Variants in TTC39B observed in about 807,000 individuals in gnomAD.
The protein encoded by TTC39B is tetratricopeptide repeat protein 39B.
A neutral mutation model predicts 96.6 loss-of-function variants in TTC39B; 92 were observed. The observed-to-expected ratio is 0.95, with a 90% CI of 0.80 to 1.13. TTC39B has a LOEUF of 1.13. Among genes scored for constraint, TTC39B ranks in the 50% most tolerant of loss-of-function variants. TTC39B has a pLI of 0.00. For missense variants in TTC39B, 955 were observed against 809.3 expected, an observed-to-expected ratio of 1.18 and a Z score of -2.18; for synonymous variants, 367 against 299.4, an observed-to-expected ratio of 1.23 and a Z score of -2.33.
chr9:15,194,161 T>C (rs1401674615), intron 8 of TTC39B, among the ~76,000 whole-genome samples: 1 of 152,194 alleles, frequency 6.6e-6, no homozygotes, highest in Admixed American at 6.5e-5. Flanking sequence ...TGATGGAAAT[T>C]TTTTGTAATA....
exon 20 of TTC39B, chr9:15,168,965 T>C (rs2800587): frequency 1.3e-5 from 2 of 151,946 alleles, no homozygotes; most frequent in Non-Finnish European, 2.9e-5. Flanking sequence ...ATTTTTTCTT[T>C]ACACACTCCC....
Position 15,194,966 on chromosome 9 carries a change from G to A in TTC39B, c.825-2271C>T, listed in dbSNP as rs78820887. Among the ~76,000 whole-genome samples, 1,399 of 152,298 alleles carry A rather than the reference G, an allele frequency of 9.2e-3. 22 individuals carry two copies. The highest frequency in any genetic ancestry group is 0.032 in the African/African-American group (1,317 of 41,554). ...TACAGTGGCCTCTCAGTGTTCAAGC[G>A]AAAGGAAGATTCGCACCTCTCATTT... On this transcript the variant is annotated intron_variant, in intron 8 of 19. Coordinates refer to ENST00000512701, the Ensembl canonical transcript of TTC39B.
chr9:15,257,931 C>T (rs375570565), intron 2 of TTC39B, among the ~76,000 whole-genome samples: 11 of 151,920 alleles, frequency 7.2e-5, no homozygotes, highest in African/African-American at 2.4e-4. Context: ...CGGTGGCGGG[C>T]GCCTGTAATC....
intron 2 of TTC39B, among the ~76,000 whole-genome samples, chr9:15,256,102 C>T (rs910430778): frequency 3.3e-5 from 5 of 152,198 alleles, no homozygotes; most frequent in African/African-American, 1.2e-4. Flanking sequence ...GTGATTAGGT[C>T]ATGAGGGTTC....
chr9:15,300,426 T>G (rs1314288340), intron 1 of TTC39B, among the ~76,000 whole-genome samples: 1 of 152,198 alleles, frequency 6.6e-6, no homozygotes, highest in African/African-American at 2.4e-5. Context: ...TGGCCTCTTC[T>G]GTCCAATGCC....
In TTC39B at chr9:15,199,488, C is replaced by A. The variant is rs530225764; in HGVS notation, c.824+373G>T. ...CGGTGGCTCACGCGTGTAATCCCAG[C>A]ACTTTGGGAGGCTGAGGCGGGCGGA... On this transcript the variant is annotated intron_variant, in intron 8 of 19. Coordinates refer to ENST00000512701, the Ensembl canonical transcript of TTC39B. Among the ~76,000 whole-genome samples, 508 of 152,094 alleles carry A rather than the reference C, an allele frequency of 3.3e-3. 3 individuals are homozygous for A. The highest frequency in any genetic ancestry group is 0.012 in the African/African-American group (493 of 41,504).
chr9:15,204,708 T>A (rs1586866692), intron 6 of TTC39B, among the ~76,000 whole-genome samples: 1 of 152,154 alleles, frequency 6.6e-6, no homozygotes, highest in Non-Finnish European at 1.5e-5. Context: ...AGAAATGTCC[T>A]GCACGGCCAC....
chr9:15,186,829 G>A lies in TTC39B; in HGVS notation c.1487+115C>T, dbSNP rs779623636. ...TCCCACCTAAGCTTCCCAAGTAGCT[G>A]GGACTACAAGCACATGCCACCAGGC... is the stretch of plus-strand genomic sequence containing the variant. On this transcript the variant is annotated intron_variant, in intron 15 of 19. Transcript: ENST00000512701. 2.0e-5 allele frequency: 18 copies of A among 898,700 alleles called. No individual in the cohort carries two copies. The East Asian group carries it at 4.0e-4, about 20-fold the overall frequency. 55.7% of individuals were successfully genotyped at this position (898,700 alleles called of 1,614,324 possible).
chr9:15,201,212 C>G (rs1819519229), intron 7 of TTC39B, among the ~76,000 whole-genome samples: 1 of 151,540 alleles, frequency 6.6e-6, no homozygotes, highest in African/African-American at 2.4e-5. Context: ...TACATAAAAT[C>G]CAATACCAAC....
chr9:15,203,833 G>A (rs150014250), exon 7 of TTC39B: 32 of 1,612,376 alleles, frequency 2.0e-5, no homozygotes, highest in South Asian at 5.5e-5. Flanking sequence ...CTGCACAAAC[G>A]TGAGTGCAGC....
At chr9:15,209,975 G>T in intron 6 of TTC39B, 113 bp downstream of exon 6, 1 of 767,576 alleles carries the variant, frequency 1.3e-6, no homozygotes, top group East Asian at 2.7e-5. Flanking sequence ...GAGTATGATA[G>T]GGAAGAGAAA....
rs796080046 is a variant in TTC39B, at chr9:15,187,176, C to G, written c.1396-141G>C. On this transcript the variant is annotated intron_variant, in intron 14 of 19. Transcript: ENST00000512701. ...ATCAGAGGAAATGAAATCTTATATTCCCTGTTCAAAATGACAACAACTCTT... is the reference window on the plus strand; with the variant it reads ...ATCAGAGGAAATGAAATCTTATATTGCCTGTTCAAAATGACAACAACTCTT... 1.5e-5 allele frequency: 9 copies of G among 582,492 alleles called. No individual in the cohort carries two copies. The African/African-American group carries it at 1.7e-4, about 11-fold the overall frequency. The allele number at this position is 582,492 out of a possible 1,614,324, so 36.1% of individuals were successfully genotyped here.
At chr9:15,289,277 A>C (rs1272585275) in intron 1 of TTC39B, among the ~76,000 whole-genome samples, 6 of 152,238 alleles carry the variant, frequency 3.9e-5, no homozygotes, top group African/African-American at 1.4e-4. Context: ...AATGTTCAAT[A>C]TGGCTAGTTG....
At chr9:15,265,031 A>C (rs1439665249) in intron 2 of TTC39B, among the ~76,000 whole-genome samples, 1 of 152,158 alleles carries the variant, frequency 6.6e-6, no homozygotes, top group Non-Finnish European at 1.5e-5. Context: ...CTTATTTGAC[A>C]AAGGAGGTAT....
At chr9:15,199,433 C>G (rs983764147) in intron 8 of TTC39B, among the ~76,000 whole-genome samples, 1 of 151,944 alleles carries the variant, frequency 6.6e-6, no homozygotes, top group African/African-American at 2.4e-5. Flanking sequence ...TTTACCAACA[C>G]CAAATAAAAA....
rs369587611 is a variant in TTC39B, at chr9:15,275,673, G to C, written c.241-7725C>G. On this transcript the variant is annotated intron_variant, in intron 1 of 19. Coordinates refer to ENST00000512701, the Ensembl canonical transcript of TTC39B. ...GATAGAGGAAGGGAGGACATAAGGAGCTTGGTGGGGAAGGAATTAGGCAGG... is the reference window on the plus strand; with the variant it reads ...GATAGAGGAAGGGAGGACATAAGGACCTTGGTGGGGAAGGAATTAGGCAGG... Among the ~76,000 whole-genome samples the C allele has an allele frequency of 3.9e-5, 6 of 152,250 alleles. No homozygotes were observed. The East Asian group carries it at 7.7e-4, about 20-fold the overall frequency.
intron 17 of TTC39B, among the ~76,000 whole-genome samples, chr9:15,179,734 A>G (rs747832552): frequency 1.1e-4 from 16 of 152,154 alleles, no homozygotes; most frequent in Non-Finnish European, 2.2e-4. Context: ...TTGTATCGAC[A>G]GTTTGTATTA....
At chr9:15,283,055 C>T (rs1181840575) in intron 1 of TTC39B, among the ~76,000 whole-genome samples, 2 of 152,132 alleles carry the variant, frequency 1.3e-5, no homozygotes, top group African/African-American at 4.8e-5. Flanking sequence ...TCCCTCCAGG[C>T]GGCATTTACC....
intron 2 of TTC39B, among the ~76,000 whole-genome samples, chr9:15,259,759 AG>A (rs1408567797): frequency 6.6e-6 from 1 of 152,180 alleles, no homozygotes; most frequent in African/African-American, 2.4e-5. Context: ...AGTTATCAGG[AG>A]GTAACCCCAT....
Sources: gnomAD v4.1 joint callset for allele counts (sites outside exome capture counted in the v4.1 genomes callset) on GRCh38, gnomAD v4.1.1 for gene constraint, MANE v1.5 for transcripts, NCBI Gene and HGNC (gene_info 2026-07-23, HGNC 2026-07-21) for gene names.